GRIK2: variants seen among roughly 807,000 people sequenced by gnomAD.
The protein encoded by GRIK2 is glutamate receptor ionotropic, kainate 2.
In GRIK2, 32 loss-of-function variants were observed where a neutral mutation model predicts 100.3. The ratio of observed to expected loss-of-function variants is 0.32; its 90% confidence interval spans 0.24 to 0.43. The LOEUF (loss-of-function observed/expected upper bound fraction) is 0.43. GRIK2 is among the 20% of genes least tolerant of loss of function. The pLI is 1.00. For synonymous variants in GRIK2, 417 were observed against 389.4 expected, an observed-to-expected ratio of 1.07 and a Z score of -0.83; for missense variants, 843 against 1,114.9, an observed-to-expected ratio of 0.76 and a Z score of 3.47.
At chr6:101,836,645 A>G (rs868439757) in intron 10 of GRIK2, among the ~76,000 whole-genome samples, 1,136 of 82,256 alleles carry the variant, frequency 0.014, 10 homozygotes, top group Admixed American at 0.015. Flanking sequence ...ATGTATGTGT[A>G]TATATATATA....
chr6:101,741,484 G>C (rs1766321414), intron 7 of GRIK2, among the ~76,000 whole-genome samples: 1 of 152,110 alleles, frequency 6.6e-6, no homozygotes, highest in South Asian at 2.1e-4. Context: ...AAACCCTCAG[G>C]AGTACTCAGT....
intron 2 of GRIK2, among the ~76,000 whole-genome samples, chr6:101,531,441 A>C (rs1775439100): frequency 6.6e-6 from 1 of 151,970 alleles, no homozygotes; most frequent in African/African-American, 2.4e-5. Context: ...AGTGACAAGT[A>C]ACATATATTT....
chr6:101,945,473 A>G (rs75530701), intron 14 of GRIK2, among the ~76,000 whole-genome samples: 10,887 of 152,160 alleles, frequency 0.072, 955 homozygotes, highest in African/African-American at 0.21. Flanking sequence ...CTAACCCATG[A>G]GCATGTACTT....
At chr6:101,863,865 C>T (rs533577807) in intron 11 of GRIK2, among the ~76,000 whole-genome samples, 23 of 152,198 alleles carry the variant, frequency 1.5e-4, no homozygotes, top group Admixed American at 1.0e-3. Context: ...TGGCCGGGCG[C>T]GGTGGCTCAC....
rs184117050 is a variant in GRIK2 at position 101,786,280 on chromosome 6, T to G, written c.952-13368T>G. Among the ~76,000 whole-genome samples, 142 of 152,090 alleles carry G rather than the reference T, an allele frequency of 9.3e-4. 1 individual carries two copies. Among genetic ancestry groups the G allele is most frequent in the African/African-American group, 3.2e-3 (132 of 41,532 alleles). ...AATTTGACTTTTTTTTTTTCCAGTT[T>G]CAGTGTCCTTTCTTTCTGTTGTCTG... On this transcript the variant is annotated intron_variant, in intron 7 of 16. Transcript: ENST00000369134.
chr6:102,019,242 A>G (rs78219037), intron 14 of GRIK2, among the ~76,000 whole-genome samples: 3,519 of 152,124 alleles, frequency 0.023, 51 homozygotes, highest in African/African-American at 0.042. Context: ...TTAACATGGT[A>G]TCTTTTAGAT....
At chr6:101,777,703 T>C (rs984560391) in intron 7 of GRIK2, among the ~76,000 whole-genome samples, 1 of 152,218 alleles carries the variant, frequency 6.6e-6, no homozygotes, top group African/African-American at 2.4e-5. Flanking sequence ...CTATGCACTG[T>C]ACCTCAAATG....
At chr6:101,946,114 A>G (rs536389140) in intron 14 of GRIK2, among the ~76,000 whole-genome samples, 4 of 152,234 alleles carry the variant, frequency 2.6e-5, no homozygotes, top group East Asian at 1.9e-4. Context: ...TTTCCAAAAC[A>G]TAATTTGTAT....
chr6:102,066,715 G>C (rs1772034758), intron 16 of GRIK2, among the ~76,000 whole-genome samples: 1 of 151,576 alleles, frequency 6.6e-6, no homozygotes, highest in South Asian at 2.1e-4. Flanking sequence ...AAGAGGGCTA[G>C]ATCAGAGAAG....
intron 9 of GRIK2, among the ~76,000 whole-genome samples, chr6:101,805,138 A>G (rs988502520): frequency 2.0e-5 from 3 of 151,898 alleles, no homozygotes; most frequent in Non-Finnish European, 2.9e-5. Flanking sequence ...CCTAGAAAGT[A>G]TAGTTACCAA....
At chr6:101,571,744 A>G (rs1777542686) in intron 2 of GRIK2, among the ~76,000 whole-genome samples, 1 of 152,156 alleles carries the variant, frequency 6.6e-6, no homozygotes, top group East Asian at 1.9e-4. Context: ...TCCTAAATTC[A>G]GGAAATCAGT....
At chr6:101,754,080 T>C (rs1776971071) in intron 7 of GRIK2, among the ~76,000 whole-genome samples, 1 of 152,008 alleles carries the variant, frequency 6.6e-6, no homozygotes, top group East Asian at 1.9e-4. Context: ...GGAGAAGAAA[T>C]ATCACAATAT....
At chr6:101,726,358 A>G (rs921195563) in intron 7 of GRIK2, among the ~76,000 whole-genome samples, 5 of 152,042 alleles carry the variant, frequency 3.3e-5, no homozygotes, top group African/African-American at 1.2e-4. Flanking sequence ...TACTAAAATG[A>G]ATTGATAATC....
intron 7 of GRIK2, among the ~76,000 whole-genome samples, chr6:101,715,644 T>C (rs953259233): frequency 2.6e-5 from 4 of 151,804 alleles, no homozygotes; most frequent in Admixed American, 6.6e-5. Flanking sequence ...GGAGTTTTTA[T>C]GGCAGTCTTC....
chr6:101,396,920 A>G (rs1775033478), intron 1 of GRIK2, among the ~76,000 whole-genome samples: 1 of 152,192 alleles, frequency 6.6e-6, no homozygotes. Context: ...AAAAAAGTAC[A>G]ATCTTTTAAC....
intron 2 of GRIK2, among the ~76,000 whole-genome samples, chr6:101,472,218 G>A (rs1221650647): frequency 6.6e-6 from 1 of 151,536 alleles, no homozygotes; most frequent in Non-Finnish European, 1.5e-5. Context: ...CTTCTCTTTT[G>A]GGATAGCTTT....
chr6:101,734,416 G>A (rs1775493332), intron 7 of GRIK2, among the ~76,000 whole-genome samples: 2 of 152,184 alleles, frequency 1.3e-5, no homozygotes, highest in Admixed American at 1.3e-4. Context: ...CAGCACATGA[G>A]GGTCAGCCCT....
At chr6:101,675,666 G>A (rs933103105) in intron 4 of GRIK2, among the ~76,000 whole-genome samples, 2 of 151,988 alleles carry the variant, frequency 1.3e-5, no homozygotes, top group African/African-American at 4.8e-5. Context: ...ATTTTAAAAT[G>A]CATCACAGTT....
At chr6:101,745,747 A>G (rs750522320) in intron 7 of GRIK2, among the ~76,000 whole-genome samples, 1 of 152,062 alleles carries the variant, frequency 6.6e-6, no homozygotes, top group Non-Finnish European at 1.5e-5. Flanking sequence ...ATATTTTTAG[A>G]TGTTTCCCAG....
Sources: allele counts gnomAD v4.1 joint callset (sites outside exome capture counted in the v4.1 genomes callset), GRCh38; gene constraint gnomAD v4.1.1; transcripts MANE v1.5; gene names NCBI Gene and HGNC (gene_info 2026-07-23, HGNC 2026-07-21).